ZBTB7C: variants seen among roughly 807,000 people sequenced by gnomAD.
ZBTB7C encodes zinc finger and BTB domain containing 7C.
Under a neutral mutation model 25.7 loss-of-function variants are expected in ZBTB7C, and 8 were observed. That is an observed-to-expected ratio of 0.31 (90% CI 0.18 to 0.56). ZBTB7C has a LOEUF of 0.56. ZBTB7C is among the 20% of genes least tolerant of loss of function. ZBTB7C has a pLI of 0.91. For missense variants in ZBTB7C, 824 were observed against 855.2 expected (o/e 0.96, Z 0.46); for synonymous variants, 394 against 369.0 (o/e 1.07, Z -0.78).
chr18:48,367,712 C>T (rs2047279181), intron 1 of ZBTB7C, among the ~76,000 whole-genome samples: 1 of 152,018 alleles, frequency 6.6e-6, no homozygotes, highest in South Asian at 2.1e-4. Flanking sequence ...GCCTAGACTT[C>T]CACTCCAACC....
chr18:48,408,227 G>A (rs2048326871), intron 1 of ZBTB7C: 1 of 152,302 alleles, frequency 6.6e-6, no homozygotes, highest in African/African-American at 2.4e-5. Flanking sequence ...AAGATAACGG[G>A]AGCTGCCGCT....
At chr18:48,199,820 G>C (rs970308706) in intron 2 of ZBTB7C, among the ~76,000 whole-genome samples, 10 of 152,138 alleles carry the variant, frequency 6.6e-5, no homozygotes, top group Non-Finnish European at 1.2e-4. Context: ...GAGGGATCTG[G>C]TCATTTTCCA....
chr18:48,344,011 G>A (rs2046666686), intron 1 of ZBTB7C, among the ~76,000 whole-genome samples: 2 of 152,154 alleles, frequency 1.3e-5, no homozygotes, highest in African/African-American at 2.4e-5. Context: ...TTGAGATGGA[G>A]TCTGGCTCTG....
chr18:48,290,808 C>A (rs998982569), intron 2 of ZBTB7C, among the ~76,000 whole-genome samples: 6 of 152,222 alleles, frequency 3.9e-5, no homozygotes, highest in Non-Finnish European at 7.4e-5. Flanking sequence ...AGCCACCCCT[C>A]CTGCCACCTC....
chr18:48,345,753 T>G (rs1021940557), intron 1 of ZBTB7C, among the ~76,000 whole-genome samples: 1 of 152,220 alleles, frequency 6.6e-6, no homozygotes, highest in Admixed American at 6.5e-5. Flanking sequence ...GTGCAGTGTC[T>G]GGCCCCAGCC....
In ZBTB7C at chr18:48,284,652, A is replaced by G. The variant is rs745328801; in HGVS notation, c.-79+53522T>C. ...CTACTAAAAATACAAAAAGCTGGGT[A>G]TGGTGTTACACACCTGTAATCCCAA... On this transcript the variant is annotated intron_variant, in intron 2 of 4. Transcript: ENST00000590800. 8.5e-5 allele frequency among the ~76,000 whole-genome samples: 13 copies of G among 152,116 alleles called. No individual in the cohort carries two copies. In the South Asian group the frequency reaches 1.0e-3, roughly 12 times the overall value.
intron 3 of ZBTB7C, among the ~76,000 whole-genome samples, chr18:48,097,537 C>T (rs1207933281): frequency 2.0e-5 from 3 of 152,158 alleles, no homozygotes; most frequent in African/African-American, 7.2e-5. Flanking sequence ...GCTGGGACTA[C>T]AGGCGTGTGC....
At chr18:48,097,460 G>A (rs934414512) in intron 3 of ZBTB7C, among the ~76,000 whole-genome samples, 8 of 151,918 alleles carry the variant, frequency 5.3e-5, no homozygotes, top group Admixed American at 3.3e-4. Context: ...GCGGTGGCGC[G>A]ATCTCGGTTC....
At chr18:48,355,000 A>G (rs556539189) in intron 1 of ZBTB7C, among the ~76,000 whole-genome samples, 3 of 152,160 alleles carry the variant, frequency 2.0e-5, no homozygotes, top group African/African-American at 7.2e-5. Context: ...CTGACCCTAC[A>G]TGGTGGTACT....
intron 2 of ZBTB7C, among the ~76,000 whole-genome samples, chr18:48,186,392 G>T (rs1329183561): frequency 1.3e-5 from 2 of 152,240 alleles, no homozygotes; most frequent in East Asian, 1.9e-4. Flanking sequence ...ACAGCACAGG[G>T]CATCTCCTTG....
intron 2 of ZBTB7C, among the ~76,000 whole-genome samples, chr18:48,300,381 T>G (rs2045513486): frequency 6.6e-6 from 1 of 151,924 alleles, no homozygotes; most frequent in South Asian, 2.1e-4. Context: ...TAGCAGGGAG[T>G]TTGTAGCCTC....
chr18:48,172,019 CAT>C, intron 3 of ZBTB7C, among the ~76,000 whole-genome samples: 1 of 152,338 alleles, frequency 6.6e-6, no homozygotes, highest in East Asian at 1.9e-4. Context: ...TTGGGTGGTT[CAT>C]ACTGAAAGAG....
intron 2 of ZBTB7C, among the ~76,000 whole-genome samples, chr18:48,256,470 A>T (rs933876087): frequency 1.9e-5 from 2 of 107,060 alleles, no homozygotes; most frequent in Non-Finnish European, 4.4e-5. Context: ...TCATACATAC[A>T]AAAGCTCAAA....
At chr18:48,152,172 T>G (rs1389156040) in intron 3 of ZBTB7C, among the ~76,000 whole-genome samples, 1 of 152,216 alleles carries the variant, frequency 6.6e-6, no homozygotes, top group East Asian at 1.9e-4. Context: ...TTCCACAGGG[T>G]CCTTAACAGT....
chr18:48,290,966 T>G (rs73955678), intron 2 of ZBTB7C, among the ~76,000 whole-genome samples: 231 of 152,370 alleles, frequency 1.5e-3, no homozygotes, highest in African/African-American at 5.4e-3. Context: ...CTCTAGGCTC[T>G]ATAAAATGAG....
chr18:48,288,662 A>G (rs928483118), intron 2 of ZBTB7C, among the ~76,000 whole-genome samples: 1 of 152,150 alleles, frequency 6.6e-6, no homozygotes, highest in African/African-American at 2.4e-5. Context: ...GTCTCTAAAT[A>G]AATAAATGTA....
chr18:48,273,014 C>G (rs952514790), intron 2 of ZBTB7C, among the ~76,000 whole-genome samples: 2 of 152,160 alleles, frequency 1.3e-5, no homozygotes, highest in Admixed American at 6.5e-5. Flanking sequence ...GGAATGGGAA[C>G]TGACTGTTAA....
intron 3 of ZBTB7C, among the ~76,000 whole-genome samples, chr18:48,066,006 A>G (rs1278540171): frequency 6.6e-6 from 1 of 152,126 alleles, no homozygotes; most frequent in Non-Finnish European, 1.5e-5. Context: ...CTAGTAGGCA[A>G]TGCATGGAAG....
At chr18:48,273,016 G>T (rs543297632) in intron 2 of ZBTB7C, among the ~76,000 whole-genome samples, 6 of 152,324 alleles carry the variant, frequency 3.9e-5, no homozygotes, top group Admixed American at 3.9e-4. Flanking sequence ...AATGGGAACT[G>T]ACTGTTAATG....
Sources: allele counts gnomAD v4.1 joint callset (sites outside exome capture counted in the v4.1 genomes callset), GRCh38; gene constraint gnomAD v4.1.1; transcripts MANE v1.5; gene names NCBI Gene and HGNC (gene_info 2026-07-23, HGNC 2026-07-21).